Variants in SEMA3A observed in about 807,000 individuals in gnomAD.
SEMA3A encodes the protein semaphorin-3A.
A neutral mutation model predicts 97.9 loss-of-function variants in SEMA3A; 29 were observed. That is an observed-to-expected ratio of 0.30 (90% CI 0.22 to 0.40). SEMA3A has a LOEUF of 0.40. SEMA3A is among the 10% of genes least tolerant of loss of function. The pLI, the probability that SEMA3A is intolerant of heterozygous loss-of-function variation, is 1.00. For missense variants in SEMA3A, 763 were observed against 951.3 expected (o/e 0.80, Z 2.60); for synonymous variants, 321 against 323.7 (o/e 0.99, Z 0.09).
chr7:84,110,612 A>C (rs371903465), intron 3 of SEMA3A, 23 bp from the exon 4 acceptor site: 1 of 1,612,058 alleles, frequency 6.2e-7, no homozygotes, highest in African/African-American at 1.3e-5. Flanking sequence ...AGGAAAACCA[A>C]AGAGTTTCAG....
At chr7:84,301,913 T>C (rs967984214) in intron 3 of SEMA3A, among the ~76,000 whole-genome samples, 8 of 152,120 alleles carry the variant, frequency 5.3e-5, no homozygotes, top group Non-Finnish European at 1.2e-4. Context: ...ATCTCCCTGA[T>C]TTTCCAATCC....
In SEMA3A at chr7:84,164,242, A is replaced by T. The variant is rs191603187; in HGVS notation, c.113-29291T>A. Reference sequence around the variant, plus strand: ...ATAAATCTTGGGAACCATTTTCTGTAACTTTACTAATTTATCACTAAATGC... The same window carrying T: ...ATAAATCTTGGGAACCATTTTCTGTTACTTTACTAATTTATCACTAAATGC... On this transcript the variant is annotated intron_variant, in intron 1 of 16. Transcript: ENST00000265362. Among the ~76,000 whole-genome samples, 233 of 152,318 alleles carry T rather than the reference A, an allele frequency of 1.5e-3. 1 individual carries two copies. Among genetic ancestry groups the T allele is most frequent in the African/African-American group, 5.2e-3 (217 of 41,574 alleles).
chr7:84,409,015 G>A (rs1024054180), intron 1 of SEMA3A, among the ~76,000 whole-genome samples: 1 of 150,636 alleles, frequency 6.6e-6, no homozygotes, highest in South Asian at 2.1e-4. Flanking sequence ...TGCACGTTGT[G>A]CACATGTACC....
intron 3 of SEMA3A, among the ~76,000 whole-genome samples, chr7:84,240,395 T>A (rs1457959769): frequency 1.4e-5 from 2 of 147,946 alleles, no homozygotes; most frequent in Non-Finnish European, 3.0e-5. Flanking sequence ...CTAAATGTCA[T>A]CACAAATGTC....
chr7:84,372,746 T>A (rs1803003649), intron 1 of SEMA3A, among the ~76,000 whole-genome samples: 1 of 152,170 alleles, frequency 6.6e-6, no homozygotes, highest in African/African-American at 2.4e-5. Context: ...AAATATAGGT[T>A]AGTTTTTAAG....
rs371082897 is a variant in SEMA3A, at chr7:83,984,608, CTT to C, written c.1494+826_1494+827del. ...CCCTACTTCATTCTGGATTTTTCTG[CTT>C]TTTTTTTTTTTTTTTTTTTTTGAAG... On this transcript the variant is annotated intron_variant, in intron 13 of 16. Coordinates refer to ENST00000265362, the MANE Select transcript of SEMA3A (RefSeq NM_006080.3). Among the ~76,000 whole-genome samples the C allele has an allele frequency of 3.0e-3, 292 of 98,874 alleles. 1 individual carries two copies. The highest frequency in any genetic ancestry group is 9.9e-3 in the African/African-American group (272 of 27,452). 64.9% of individuals were successfully genotyped at this position (98,874 alleles called of 152,430 possible). A position where few individuals can be genotyped will look rare whatever the true frequency, so the allele number is the denominator to read the frequency against.
chr7:84,319,317 T>C (rs1280896623), intron 2 of SEMA3A, among the ~76,000 whole-genome samples: 3 of 152,116 alleles, frequency 2.0e-5, no homozygotes, highest in Non-Finnish European at 4.4e-5. Flanking sequence ...GCTCAGCTCA[T>C]TGGTGCTAGG....
At chr7:84,452,885 T>A (rs1434029948) in intron 1 of SEMA3A, among the ~76,000 whole-genome samples, 4 of 151,776 alleles carry the variant, frequency 2.6e-5, no homozygotes, top group Admixed American at 6.6e-5. Flanking sequence ...TTACTCTGTG[T>A]GACCATTTGT....
At chr7:84,034,621 T>C (rs370455578) in intron 6 of SEMA3A, among the ~76,000 whole-genome samples, 1 of 152,196 alleles carries the variant, frequency 6.6e-6, no homozygotes, top group Admixed American at 6.5e-5. Flanking sequence ...TTTTCAAATA[T>C]TGCTTTTAAT....
intron 5 of SEMA3A, among the ~76,000 whole-genome samples, chr7:84,057,937 C>T (rs1793060607): frequency 1.3e-5 from 2 of 152,040 alleles, no homozygotes; most frequent in South Asian, 4.1e-4. Flanking sequence ...AAGAGAGAAT[C>T]CATATTCTCA....
intron 1 of SEMA3A, among the ~76,000 whole-genome samples, chr7:84,158,822 T>G (rs906586329): frequency 1.3e-5 from 2 of 152,248 alleles, no homozygotes; most frequent in African/African-American, 4.8e-5. Context: ...TTTTAATTTC[T>G]TTCTAGAATT....
chr7:83,985,497 A>T lies in SEMA3A; in HGVS notation c.1453-20T>A. 1 of 1,605,508 alleles carries T rather than the reference A, an allele frequency of 6.2e-7. No individual in the cohort carries two copies. The highest frequency in any genetic ancestry group is 1.3e-5 in the African/African-American group (1 of 74,870). ...CGGTTCCTAAAGGAGAAAAAGAAATATGTGAGGTGTTTGGTCAATTAGAAC... is the reference window on the plus strand; with the variant it reads ...CGGTTCCTAAAGGAGAAAAAGAAATTTGTGAGGTGTTTGGTCAATTAGAAC... On this transcript the variant is annotated intron_variant, in intron 12 of 16. Coordinates refer to ENST00000265362, the MANE Select transcript of SEMA3A (RefSeq NM_006080.3).
intron 1 of SEMA3A, among the ~76,000 whole-genome samples, chr7:84,185,161 T>C (rs1398514953): frequency 6.6e-6 from 1 of 152,186 alleles, no homozygotes; most frequent in African/African-American, 2.4e-5. Flanking sequence ...AACACACACA[T>C]ACTAAATATA....
chr7:84,311,674 G>T lies in SEMA3A; in HGVS notation c.-168-4382C>A, dbSNP rs113412042. 2.0e-5 allele frequency among the ~76,000 whole-genome samples: 3 copies of T among 151,878 alleles called. 1 individual carries two copies. Among genetic ancestry groups the T allele is most frequent in the African/African-American group, 7.2e-5 (3 of 41,486 alleles). On this transcript the variant is annotated intron_variant, in intron 2 of 3. Coordinates refer to the SEMA3A transcript ENST00000424555. ...CAGCAACCAGAAAAATATTTAAATT[G>T]TGAAAAATGTTTTAGTTTCTATGAA...
intron 4 of SEMA3A, among the ~76,000 whole-genome samples, chr7:84,068,241 G>T (rs1389662648): frequency 3.4e-5 from 5 of 146,312 alleles, no homozygotes. Context: ...CATGTACACA[G>T]GAAGGGGAAT....
intron 3 of SEMA3A, among the ~76,000 whole-genome samples, chr7:84,298,756 A>C (rs1054868843): frequency 1.3e-5 from 2 of 152,150 alleles, no homozygotes; most frequent in African/African-American, 4.8e-5. Context: ...AAAGAATGCA[A>C]AGTATTGTTC....
intron 5 of SEMA3A, among the ~76,000 whole-genome samples, chr7:84,051,437 G>T (rs540672840): frequency 1.3e-5 from 2 of 152,126 alleles, no homozygotes; most frequent in East Asian, 3.9e-4. Flanking sequence ...TCCCTTGTAA[G>T]TTGGATTCCT....
At chr7:84,383,156 T>C (rs1421956195) in intron 1 of SEMA3A, among the ~76,000 whole-genome samples, 1 of 152,146 alleles carries the variant, frequency 6.6e-6, no homozygotes, top group Non-Finnish European at 1.5e-5. Flanking sequence ...AAGCTATTAA[T>C]TTTAATAATG....
chr7:84,176,224 T>C (rs574366659), intron 1 of SEMA3A, among the ~76,000 whole-genome samples: 4 of 152,294 alleles, frequency 2.6e-5, no homozygotes, highest in African/African-American at 9.6e-5. Flanking sequence ...TATTCTGTGG[T>C]ATGCTGTAAA....
Sources: allele counts gnomAD v4.1 joint callset (sites outside exome capture counted in the v4.1 genomes callset), GRCh38; gene constraint gnomAD v4.1.1; transcripts MANE v1.5; gene names NCBI Gene and HGNC (gene_info 2026-07-23, HGNC 2026-07-21).